ERG: variants seen among roughly 807,000 people sequenced by gnomAD.
The protein encoded by ERG is ETS transcription factor ERG, also known as transcriptional regulator ERG.
Under a neutral mutation model 55.3 loss-of-function variants are expected in ERG, and 9 were observed. The ratio of observed to expected loss-of-function variants is 0.16; its 90% confidence interval spans 0.10 to 0.28. ERG has a LOEUF of 0.28. Ranked by LOEUF, ERG falls within the 10% of genes least tolerant of loss-of-function variation. The pLI, the probability that ERG is intolerant of heterozygous loss-of-function variation, is 1.00. For missense variants in ERG, 434 were observed against 631.6 expected, an observed-to-expected ratio of 0.69 and a Z score of 3.35; for synonymous variants, 223 against 237.3, an observed-to-expected ratio of 0.94 and a Z score of 0.55.
At position 38,380,871 on chromosome 21, in the gene ERG, T is replaced by C; in HGVS notation, c.*2532A>G. ...TCTTGAAGAGAGAACTGAGTGATTA[T>C]CCAAGTAAATGTGTATTTCTATGAA... On this transcript the variant is annotated 3_prime_UTR_variant, in exon 10 of 10. Coordinates refer to ENST00000288319, the MANE Select transcript of ERG (RefSeq NM_182918.4). 9.4e-7 allele frequency: 1 copy of C among 1,065,382 alleles called. No homozygotes were observed. Among genetic ancestry groups the C allele is most frequent in the Non-Finnish European group, 1.1e-6 (1 of 879,318 alleles). The allele number at this position is 1,065,382 out of a possible 1,614,324, so 66.0% of individuals were successfully genotyped here.
At chr21:38,658,937 G>A (rs888498763) in intron 1 of ERG, among the ~76,000 whole-genome samples, 61 of 152,294 alleles carry the variant, frequency 4.0e-4, no homozygotes, top group African/African-American at 1.3e-3. Context: ...TTTAGCTAAA[G>A]ATTAAATCAC....
chr21:38,480,946 A>T (rs1569132537), intron 1 of ERG, among the ~76,000 whole-genome samples: 1 of 152,170 alleles, frequency 6.6e-6, no homozygotes, highest in African/African-American at 2.4e-5. Context: ...AATTTTTGGT[A>T]TATTTTCCTG....
intron 1 of ERG, among the ~76,000 whole-genome samples, chr21:38,623,839 A>C (rs532172061): frequency 7.9e-4 from 120 of 152,330 alleles, no homozygotes; most frequent in African/African-American, 2.8e-3. Flanking sequence ...TAAACAAGGC[A>C]ATACCTAACA....
At chr21:38,421,538 A>G (rs557605105) in intron 3 of ERG, among the ~76,000 whole-genome samples, 92 of 152,344 alleles carry the variant, frequency 6.0e-4, no homozygotes, top group African/African-American at 2.1e-3. Context: ...AGGTAAAGGG[A>G]AAGTCACACC....
intron 2 of ERG, among the ~76,000 whole-genome samples, chr21:38,439,109 T>A (rs1027521511): frequency 6.6e-6 from 1 of 152,082 alleles, no homozygotes; most frequent in African/African-American, 2.4e-5. Context: ...GCACATAAAT[T>A]GACTGAGTTC....
chr21:38,618,149 C>T (rs2060269590), intron 1 of ERG, among the ~76,000 whole-genome samples: 1 of 152,184 alleles, frequency 6.6e-6, no homozygotes, highest in Non-Finnish European at 1.5e-5. Flanking sequence ...AAAAGCAAGA[C>T]TAAGCCAGAA....
chr21:38,555,698 T>A (rs910358896), intron 2 of ERG, among the ~76,000 whole-genome samples: 23 of 152,168 alleles, frequency 1.5e-4, no homozygotes, highest in African/African-American at 5.5e-4. Context: ...TGAAAAAGTA[T>A]AAATCATCAG....
intron 4 of ERG, 42 bp from the exon 5 acceptor site, chr21:38,402,679 A>AAG (rs552146814): frequency 6.8e-6 from 8 of 1,172,926 alleles, no homozygotes; most frequent in South Asian, 2.8e-5. Flanking sequence ...TGAAAAAAAA[A>AAG]AGAGAGAGAG....
the ERG span, among the ~76,000 whole-genome samples, chr21:38,367,474 C>T: frequency 4.6e-5 from 7 of 152,148 alleles, no homozygotes; most frequent in Non-Finnish European, 1.0e-4. Flanking sequence ...GCTTCATTTC[C>T]TCATCCCATA....
Position 38,641,637 on chromosome 21 carries a change from T to C in ERG, c.-150+20021A>G, listed in dbSNP as rs115976419. 3.9e-3 allele frequency among the ~76,000 whole-genome samples: 601 copies of C among 152,298 alleles called. 11 individuals carry two copies. The highest frequency in any genetic ancestry group is 0.014 in the African/African-American group (577 of 41,552). On this transcript the variant is annotated intron_variant, in intron 1 of 10. Coordinates refer to the ERG transcript ENST00000398910. Reference sequence around the variant, plus strand: ...AATGTCAAACAGATCAACATAATTATTTAGTATGACATAAACCTCTTCCAA... The same window carrying C: ...AATGTCAAACAGATCAACATAATTACTTAGTATGACATAAACCTCTTCCAA...
At chr21:38,509,855 T>C (rs554862450) in intron 2 of ERG, among the ~76,000 whole-genome samples, 1 of 152,322 alleles carries the variant, frequency 6.6e-6, no homozygotes, top group South Asian at 2.1e-4. Flanking sequence ...AAGGTGCTGT[T>C]ATTATTTTCT....
At chr21:38,506,981 A>G (rs1015862889) in intron 2 of ERG, among the ~76,000 whole-genome samples, 4 of 152,072 alleles carry the variant, frequency 2.6e-5, no homozygotes, top group Non-Finnish European at 5.9e-5. Context: ...TAACCTTTGC[A>G]TGTGAGAGGC....
At chr21:38,499,916 T>C (rs1443518301), upstream of ERG, among the ~76,000 whole-genome samples, 2 of 152,086 alleles carry the variant, frequency 1.3e-5, no homozygotes. Flanking sequence ...GAGTATATTG[T>C]AAGAAAATCA....
intron 2 of ERG, among the ~76,000 whole-genome samples, chr21:38,553,835 C>T (rs2059840347): frequency 6.6e-6 from 1 of 151,908 alleles, no homozygotes; most frequent in African/African-American, 2.4e-5. Context: ...CAAATGGGAC[C>T]TAATTAAACT....
At chr21:38,434,856 T>C (rs1372331742) in intron 2 of ERG, among the ~76,000 whole-genome samples, 2 of 152,216 alleles carry the variant, frequency 1.3e-5, no homozygotes, top group Non-Finnish European at 2.9e-5. Flanking sequence ...TGGGTGTAAA[T>C]GTGAGGCTTT....
At position 38,590,397 on chromosome 21, in the gene ERG, C is replaced by T. The variant is rs534335216; in HGVS notation, c.-149-5452G>A. Among the ~76,000 whole-genome samples the T allele has an allele frequency of 2.4e-4, 37 of 152,258 alleles. No homozygotes were observed. In the South Asian group the frequency reaches 3.7e-3, roughly 15 times the overall value. On this transcript the variant is annotated intron_variant, in intron 1 of 10. Coordinates refer to the ERG transcript ENST00000398910. Reference sequence around the variant, plus strand: ...AAGGGAAGTGTTCTCCAAGGAAGCACGCTGCAGGGAAAGAGTCTTTCACCT... The same window carrying T: ...AAGGGAAGTGTTCTCCAAGGAAGCATGCTGCAGGGAAAGAGTCTTTCACCT...
At chr21:38,650,545 A>G (rs1316354303) in intron 1 of ERG, among the ~76,000 whole-genome samples, 1 of 152,108 alleles carries the variant, frequency 6.6e-6, no homozygotes, top group Non-Finnish European at 1.5e-5. Flanking sequence ...GCTGAAGCAC[A>G]AGAATCGCTT....
intron 2 of ERG, among the ~76,000 whole-genome samples, chr21:38,510,718 A>G (rs1042161108): frequency 1.3e-5 from 2 of 152,302 alleles, no homozygotes; most frequent in African/African-American, 4.8e-5. Flanking sequence ...ATTCTTAATA[A>G]CTCAAAACTG....
At chr21:38,387,232 C>CA (rs1987734747) in intron 9 of ERG, among the ~76,000 whole-genome samples, 1 of 152,212 alleles carries the variant, frequency 6.6e-6, no homozygotes, top group Admixed American at 6.5e-5. Context: ...GGGGCCCCAC[C>CA]AGTACCATGT....
Sources: gnomAD v4.1 joint callset for allele counts (sites outside exome capture counted in the v4.1 genomes callset) on GRCh38, gnomAD v4.1.1 for gene constraint, MANE v1.5 for transcripts, NCBI Gene and HGNC (gene_info 2026-07-23, HGNC 2026-07-21) for gene names.